ENKUR: variants seen among roughly 807,000 people sequenced by gnomAD.
The protein encoded by ENKUR is enkurin, TRPC channel interacting protein, also known as enkurin.
A neutral mutation model predicts 27.6 loss-of-function variants in ENKUR; 19 were observed. The ratio of observed to expected loss-of-function variants is 0.69; its 90% CI spans 0.48 to 1.01. The LOEUF (loss-of-function observed/expected upper bound fraction) is 1.01, where lower values mean the gene tolerates loss of function less well. ENKUR is among the 50% of genes least tolerant of loss of function. ENKUR has a pLI of 0.00. For missense variants in ENKUR, 312 were observed against 310.5 expected (o/e 1.00, Z -0.04); for synonymous variants, 117 against 96.9 (o/e 1.21, Z -1.22).
chr10:25,055,559 A>G (rs1466039952), intron 2 of ENKUR, among the ~76,000 whole-genome samples: 2 of 151,826 alleles, frequency 1.3e-5, no homozygotes, highest in African/African-American at 2.4e-5. Flanking sequence ...AAAAAAAAAA[A>G]AAAAAAAAGG....
chr10:24,989,896 T>A (rs1017323362), intron 4 of ENKUR, among the ~76,000 whole-genome samples: 1 of 152,174 alleles, frequency 6.6e-6, no homozygotes, highest in Non-Finnish European at 1.5e-5. Flanking sequence ...CCCCCTAATA[T>A]TTTAAATGCT....
At chr10:25,056,354 C>T (rs112636804) in intron 2 of ENKUR, among the ~76,000 whole-genome samples, 18 of 152,188 alleles carry the variant, frequency 1.2e-4, no homozygotes, top group African/African-American at 1.7e-4. Context: ...AGAATCAATT[C>T]CAATGCAGGT....
chr10:24,998,648 G>A, intron 2 of ENKUR, among the ~76,000 whole-genome samples: 1 of 151,946 alleles, frequency 6.6e-6, no homozygotes, highest in East Asian at 1.9e-4. Flanking sequence ...CTTGGGCTAT[G>A]AAGAAATTGC....
chr10:24,994,564 C>T (rs1413999741), intron 3 of ENKUR, among the ~76,000 whole-genome samples: 1 of 151,974 alleles, frequency 6.6e-6, no homozygotes, highest in African/African-American at 2.4e-5. Context: ...GAACTCCTGA[C>T]CTCAAGCAAT....
chr10:25,056,382 A>G (rs142896909), intron 2 of ENKUR, among the ~76,000 whole-genome samples: 45 of 152,340 alleles, frequency 3.0e-4, no homozygotes, highest in African/African-American at 1.0e-3. Flanking sequence ...GCAAATTTCT[A>G]TAGAGGGACT....
intron 2 of ENKUR, among the ~76,000 whole-genome samples, chr10:25,029,036 G>A: frequency 6.6e-6 from 1 of 152,086 alleles, no homozygotes; most frequent in Admixed American, 6.6e-5. Context: ...TTACTAAATA[G>A]TATTCTATTG....
chr10:25,050,096 A>G (rs1851168903), intron 2 of ENKUR, among the ~76,000 whole-genome samples: 1 of 152,068 alleles, frequency 6.6e-6, no homozygotes, highest in African/African-American at 2.4e-5. Context: ...AGGCTTTTAG[A>G]CAACCAGATC....
chr10:25,057,806 T>C (rs1333490464), intron 2 of ENKUR, among the ~76,000 whole-genome samples: 1 of 152,154 alleles, frequency 6.6e-6, no homozygotes, highest in Non-Finnish European at 1.5e-5. Context: ...TGTGTTTGAG[T>C]GACCCTGCCC....
chr10:25,023,094 C>T, intron 2 of ENKUR: 2 of 835,512 alleles, frequency 2.4e-6, no homozygotes, highest in Non-Finnish European at 3.7e-6. Context: ...TATATTCAGT[C>T]CTATTGGGAT....
intron 2 of ENKUR, chr10:25,023,808 G>C (rs1453476310): frequency 6.2e-7 from 1 of 1,614,208 alleles, no homozygotes; most frequent in Non-Finnish European, 8.5e-7. Context: ...ATTATAAGAA[G>C]TGGTATGATG....
At position 24,990,608 on chromosome 10, in the gene ENKUR, T is replaced by C. The variant is rs1274431451; in HGVS notation, c.449A>G (p.Asp150Gly). The C allele has an allele frequency of 6.3e-7, 1 of 1,593,318 alleles. No individual in the cohort carries two copies. The highest frequency in any genetic ancestry group is 8.5e-7 in the Non-Finnish European group (1 of 1,174,778). ...TATGTATTCAGGTGTGACACCATAA[T>C]CCTAAAAAGATTTTGCAGAAAAAAG... The part of the protein sequence containing the change: ...GLVPKYINKK[D>G]YGVTPEYICK... The change falls in exon 4 of 6, where the codon GAT becomes GGT. Residue 150 changes from aspartate (D) to glycine (G), a missense_variant and splice_region_variant. Asp to Gly is a moderately conservative substitution (Grantham distance 94). Transcript: ENST00000331161.
In ENKUR at chr10:24,999,489, T is replaced by G. The variant is rs1415484275; in HGVS notation, c.135A>C (p.Ala45=). Residue 45 remains alanine, a synonymous_variant, in exon 2 of 6, where the codon GCA becomes GCC. Transcript: ENST00000331161. ...CTTTTGCTGGTCCCATAGTTTTCAT[T>G]GCAGTTTTAGCTTTTTGCATGTCAT... ...VKDDMQKAKT[A]MKTMGPAKVE... is the part of the protein sequence containing the mutation. 6.2e-7 allele frequency: 1 copy of G among 1,613,298 alleles called. No individual in the cohort carries two copies. Among genetic ancestry groups the G allele is most frequent in the Non-Finnish European group, 8.5e-7 (1 of 1,179,658 alleles).
At chr10:25,061,883 C>T (rs888175530) in intron 1 of ENKUR, among the ~76,000 whole-genome samples, 3 of 152,288 alleles carry the variant, frequency 2.0e-5, no homozygotes, top group African/African-American at 4.8e-5. Context: ...CGATTCACTG[C>T]TATGTTCTTT....
At chr10:25,052,350 C>T (rs930268373) in intron 2 of ENKUR, among the ~76,000 whole-genome samples, 3 of 152,086 alleles carry the variant, frequency 2.0e-5, no homozygotes, top group Non-Finnish European at 2.9e-5. Flanking sequence ...TCAAATTTTT[C>T]CTTCATTAAC....
chr10:25,047,975 C>T (rs1321879519), intron 2 of ENKUR, among the ~76,000 whole-genome samples: 1 of 152,014 alleles, frequency 6.6e-6, no homozygotes, highest in Non-Finnish European at 1.5e-5. Context: ...TTTGTGGTTC[C>T]TCGTTCCTCA....
intron 1 of ENKUR, among the ~76,000 whole-genome samples, 166 bp from the exon 2 acceptor site, chr10:24,999,712 T>C (rs1850146545): frequency 6.6e-6 from 1 of 152,338 alleles, no homozygotes; most frequent in South Asian, 2.1e-4. Flanking sequence ...CAGACTTAGA[T>C]AAACTAGATG....
intron 2 of ENKUR, among the ~76,000 whole-genome samples, chr10:25,057,213 A>C (rs1851269186): frequency 6.6e-6 from 1 of 152,220 alleles, no homozygotes; most frequent in African/African-American, 2.4e-5. Flanking sequence ...ATGCATCCAC[A>C]AAGATACAAA....
intron 2 of ENKUR, chr10:25,025,218 A>T (rs1564351018): frequency 3.1e-6 from 5 of 1,614,098 alleles, no homozygotes; most frequent in Non-Finnish European, 8.5e-7. Flanking sequence ...TCTCATCTAC[A>T]GCCCATTACT....
intron 2 of ENKUR, chr10:25,023,068 G>C (rs961881460): frequency 2.3e-5 from 16 of 710,232 alleles, no homozygotes; most frequent in Non-Finnish European, 3.6e-5. Flanking sequence ...AACAGTTTAT[G>C]TACCATGGGC....
Sources: gnomAD v4.1 joint callset for allele counts (sites outside exome capture counted in the v4.1 genomes callset) on GRCh38, gnomAD v4.1.1 for gene constraint, MANE v1.5 for transcripts, NCBI Gene and HGNC (gene_info 2026-07-23, HGNC 2026-07-21) for gene names.